The following ATG7 variants were observed in gnomAD, a reference collection of about 807,000 sequenced individuals.
The protein encoded by ATG7 is ubiquitin-like modifier-activating enzyme ATG7.
A neutral mutation model predicts 82.4 loss-of-function variants in ATG7; 70 were observed. That is an observed-to-expected ratio of 0.85 (90% CI 0.70 to 1.04). The LOEUF (loss-of-function observed/expected upper bound fraction) is 1.04, where lower values mean the gene tolerates loss of function less well. ATG7 is among the 50% of genes least tolerant of loss of function. The pLI is 0.00. For synonymous variants in ATG7, 287 were observed against 313.0 expected (o/e 0.92, Z 0.88); for missense variants, 792 against 864.3 (o/e 0.92, Z 1.05).
At chr3:11,310,639 T>G (rs1482033532) in intron 7 of ATG7, among the ~76,000 whole-genome samples, 3 of 151,908 alleles carry the variant, frequency 2.0e-5, no homozygotes, top group Non-Finnish European at 2.9e-5. Flanking sequence ...CTGTAGTTTT[T>G]TTTTTTTTTT....
At chr3:11,422,789 G>A (rs1034415612) in intron 19 of ATG7, among the ~76,000 whole-genome samples, 47 of 111,694 alleles carry the variant, frequency 4.2e-4, no homozygotes, top group African/African-American at 1.4e-3. Flanking sequence ...GTCTCACTCC[G>A]TTGCCCAGGC....
intron 18 of ATG7, among the ~76,000 whole-genome samples, chr3:11,367,572 C>G (rs989111895): frequency 6.6e-6 from 1 of 152,104 alleles, no homozygotes; most frequent in Non-Finnish European, 1.5e-5. Context: ...ACCTAGGAGG[C>G]CTGAGGATTA....
At chr3:11,505,245 G>A (rs778792841) in intron 20 of ATG7, among the ~76,000 whole-genome samples, 4 of 152,176 alleles carry the variant, frequency 2.6e-5, no homozygotes, top group Non-Finnish European at 5.9e-5. Flanking sequence ...TTTAAAGGAC[G>A]AGTAGGAGTT....
chr3:11,452,971 C>T (rs2085341590), intron 20 of ATG7, among the ~76,000 whole-genome samples: 1 of 152,180 alleles, frequency 6.6e-6, no homozygotes. Context: ...AGCACAGTAG[C>T]AGTCCATTGG....
At chr3:11,433,956 G>C (rs2083142565) in intron 20 of ATG7, among the ~76,000 whole-genome samples, 1 of 152,198 alleles carries the variant, frequency 6.6e-6, no homozygotes, top group Non-Finnish European at 1.5e-5. Flanking sequence ...TTAAAATGTA[G>C]ATTGTGATTC....
chr3:11,389,988 T>G (rs1309115712), intron 19 of ATG7, among the ~76,000 whole-genome samples: 1 of 152,244 alleles, frequency 6.6e-6, no homozygotes, highest in Non-Finnish European at 1.5e-5. Context: ...GCATTTTCCT[T>G]TCTTTATATG....
chr3:11,341,091 G>A (rs977766696), intron 12 of ATG7, among the ~76,000 whole-genome samples: 1 of 142,718 alleles, frequency 7.0e-6, no homozygotes, highest in Admixed American at 7.0e-5. Context: ...CCCAGACAGA[G>A]TCTTGCACTG....
chr3:11,470,284 C>T (rs1014615373), intron 20 of ATG7, among the ~76,000 whole-genome samples: 6 of 152,166 alleles, frequency 3.9e-5, no homozygotes, highest in African/African-American at 1.4e-4. Context: ...TCCTTACACA[C>T]CCTTAGGTGG....
At position 11,484,098 on chromosome 3, in the gene ATG7, C is replaced by T. The variant is rs574750689; in HGVS notation, c.2079+57172C>T. Reference sequence around the variant, plus strand: ...CTAAGAGGAAGGTGATAGGCCAAAACGGTTAAGTCTTCAGGCTGGGCACAG... The same window carrying T: ...CTAAGAGGAAGGTGATAGGCCAAAATGGTTAAGTCTTCAGGCTGGGCACAG... On this transcript the variant is annotated intron_variant, in intron 20 of 20. Coordinates refer to ENST00000693202, the MANE Select transcript of ATG7 (RefSeq NM_001349232.2). Among the ~76,000 whole-genome samples, 24 of 152,180 alleles carry T rather than the reference C, an allele frequency of 1.6e-4. No homozygotes were observed. In the South Asian group the frequency reaches 3.5e-3, roughly 22 times the overall value.
At chr3:11,421,969 C>T (rs1488973674) in intron 19 of ATG7, among the ~76,000 whole-genome samples, 1 of 152,186 alleles carries the variant, frequency 6.6e-6, no homozygotes, top group South Asian at 2.1e-4. Flanking sequence ...AGCAGTAGGT[C>T]TCAACAGTGG....
At chr3:11,416,773 C>A (rs961732131) in intron 19 of ATG7, among the ~76,000 whole-genome samples, 21 of 152,008 alleles carry the variant, frequency 1.4e-4, no homozygotes, top group Admixed American at 5.9e-4. Context: ...CTCTTGTTAC[C>A]TAAGGTGTAA....
At chr3:11,406,567 G>C (rs1483800148) in intron 19 of ATG7, among the ~76,000 whole-genome samples, 1 of 152,180 alleles carries the variant, frequency 6.6e-6, no homozygotes. Flanking sequence ...CTCGGCCTCT[G>C]TATTAGTCCA....
At chr3:11,375,369 AAGAT>A (rs1450619436) in intron 18 of ATG7, among the ~76,000 whole-genome samples, 3 of 152,242 alleles carry the variant, frequency 2.0e-5, no homozygotes, top group Non-Finnish European at 4.4e-5. Flanking sequence ...TTCTCCAAAA[AAGAT>A]AGACAAGTGG....
At chr3:11,540,508 G>A (rs767253177) in intron 20 of ATG7, among the ~76,000 whole-genome samples, 5 of 151,848 alleles carry the variant, frequency 3.3e-5, no homozygotes, top group Non-Finnish European at 7.4e-5. Flanking sequence ...GGGCATGGTG[G>A]TGCGCACCTG....
intron 20 of ATG7, among the ~76,000 whole-genome samples, chr3:11,456,146 C>T (rs2085688526): frequency 6.6e-6 from 1 of 152,136 alleles, no homozygotes; most frequent in Admixed American, 6.5e-5. Flanking sequence ...CCCCTCACAC[C>T]ACCCTCTGGC....
chr3:11,292,652 C>A (rs1575204956), intron 3 of ATG7, among the ~76,000 whole-genome samples: 163 of 7,576 alleles, frequency 0.022, no homozygotes, highest in Middle Eastern at 0.062. Context: ...ATTGAATTCC[C>A]ACCACACCCA....
In ATG7 at chr3:11,543,626, G is replaced by A. The variant is rs113378851; in HGVS notation, c.2080-11185G>A. ...TGTTAGGAGGAGCACAAGGCTGGCC[G>A]CGGTGGCTCATGCCTGTACTCCCAG... is the stretch of plus-strand genomic sequence containing the variant. On this transcript the variant is annotated intron_variant, in intron 20 of 20. Transcript: ENST00000693202. Among the ~76,000 whole-genome samples the A allele has an allele frequency of 8.4e-3, 1,280 of 152,300 alleles. 20 individuals carry two copies. The highest frequency in any genetic ancestry group is 0.029 in the African/African-American group (1,191 of 41,562).
At chr3:11,441,531 C>T (rs2442779) in intron 20 of ATG7, among the ~76,000 whole-genome samples, 27,826 of 151,862 alleles carry the variant, frequency 0.18, 3,081 homozygotes, top group South Asian at 0.34. Flanking sequence ...CGTGAGTCAC[C>T]GCAACCAGCC....
chr3:11,359,507 C>A (rs1317804450), intron 15 of ATG7, among the ~76,000 whole-genome samples: 1 of 151,994 alleles, frequency 6.6e-6, no homozygotes, highest in African/African-American at 2.4e-5. Flanking sequence ...CTAGCCTGGG[C>A]AACATGGTGA....
Sources: allele counts gnomAD v4.1 joint callset (sites outside exome capture counted in the v4.1 genomes callset), GRCh38; gene constraint gnomAD v4.1.1; transcripts MANE v1.5; gene names NCBI Gene and HGNC (gene_info 2026-07-23, HGNC 2026-07-21).